WIZ: variants seen among roughly 807,000 people sequenced by gnomAD.
The protein encoded by WIZ is WIZ zinc finger.
WIZ carries 25 observed loss-of-function variants against 140.2 expected under a neutral mutation model. The observed-to-expected ratio is 0.18, with a 90% confidence interval of 0.13 to 0.25. The LOEUF (loss-of-function observed/expected upper bound fraction) is 0.25. WIZ is among the 10% of genes least tolerant of loss of function. WIZ has a pLI of 1.00. For synonymous variants in WIZ, 1,125 were observed against 1,154.3 expected (o/e 0.97, Z 0.51); for missense variants, 2,231 against 2,632.6 (o/e 0.85, Z 3.34).
At position 15,440,889 on chromosome 19, in the gene WIZ, G is replaced by A. The variant is rs980068041; in HGVS notation, c.279-174C>T. ...AGGGGGAGTCCACGTGGATCCTTCCGGACCTATCGGGTCAAAAGCCAGGTT... is the reference window on the plus strand; with the variant it reads ...AGGGGGAGTCCACGTGGATCCTTCCAGACCTATCGGGTCAAAAGCCAGGTT... On this transcript the variant is annotated intron_variant, in intron 3 of 12. Transcript: ENST00000673675. This position sits in a 1 kb window ranked among gnomAD's most constrained non-coding sequence, Gnocchi z 6.2. 6.6e-5 allele frequency among the ~76,000 whole-genome samples: 10 copies of A among 152,080 alleles called. No homozygotes were observed. Among genetic ancestry groups the A allele is most frequent in the East Asian group, 1.9e-4 (1 of 5,192 alleles).
At position 15,428,088 on chromosome 19, in the gene WIZ, G is replaced by A; in HGVS notation, c.3814+22C>T. 1 of 1,532,964 alleles carries A rather than the reference G, an allele frequency of 6.5e-7. No individual in the cohort carries two copies. 95.0% of individuals were successfully genotyped at this position (1,532,964 alleles called of 1,614,324 possible). A position where few individuals can be genotyped will look rare whatever the true frequency, so the allele number is the denominator to read the frequency against. The stretch of plus-strand genomic sequence containing the variant: ...GCTCCAGGGCCCGCAGTGAGGAGGG[G>A]GCAGCTGAAGCGAGAACCTACAGAG... On this transcript the variant is annotated intron_variant, in intron 8 of 12. Transcript: ENST00000673675. This position sits in a 1 kb window ranked among gnomAD's most constrained non-coding sequence, Gnocchi z 6.4.
At chr19:15,444,440 T>A (rs1969848374) in intron 2 of WIZ, among the ~76,000 whole-genome samples, 1 of 152,160 alleles carries the variant, frequency 6.6e-6, no homozygotes, top group Non-Finnish European at 1.5e-5. Flanking sequence ...CCAGATCATT[T>A]TCTGGGGTGG....
chr19:15,423,333 T>A, intron 12 of WIZ, 98 bp from the exon 13 acceptor site: 1 of 1,456,382 alleles, frequency 6.9e-7, no homozygotes. Flanking sequence ...TGCTACTCAG[T>A]GTGGACAGAG....
chr19:15,437,166 G>A, intron 4 of WIZ, 37 bp from the exon 5 acceptor site: 1 of 1,524,252 alleles, frequency 6.6e-7, no homozygotes, highest in Non-Finnish European at 8.8e-7. Context: ...AGGTGGAGAG[G>A]GGGCTACTCC....
rs566359642 is a variant in WIZ at position 15,438,824 on chromosome 19, C to T, written c.2170G>A (p.Ala724Thr). 3,587 of 1,500,494 alleles carry T rather than the reference C, an allele frequency of 2.4e-3. 9 individuals carry two copies. The highest frequency in any genetic ancestry group is 2.9e-3 in the Non-Finnish European group (3,248 of 1,122,858). 92.9% of individuals were successfully genotyped at this position (1,500,494 alleles called of 1,614,324 possible). The change falls in exon 4 of 13, where the codon GCG becomes ACG. Residue 724 changes from alanine to threonine, a missense_variant. Around this residue, in one of 15 missense-constraint regions of WIZ, gnomAD observed 118 missense variants for 209.1 expected, o/e 0.56. Coordinates refer to ENST00000673675, the MANE Select transcript of WIZ (RefSeq NM_001371589.1). ...AHPLDFLLLD[A>T]PLGGPLGLDT... ...AGCCCCAGCGGGCCGCCCAGCGGCG[C>T]GTCCAGGAGCAGGAAGTCCAGGGGG...
rs1968998163 is a variant in WIZ at position 15,428,415 on chromosome 19, T to A, written c.3509A>T (p.His1170Leu). 6.5e-7 allele frequency: 1 copy of A among 1,535,430 alleles called. No homozygotes were observed. The highest frequency in any genetic ancestry group is 1.4e-5 in the African/African-American group (1 of 72,986). Residue 1170 changes from histidine (H) to leucine (L), a missense_variant, in exon 8 of 13, where the codon CAC (histidine) becomes CTC (leucine). Physicochemically the swap from His to Leu is moderately conservative, Grantham distance 99 (BLOSUM62 -3). Coordinates refer to ENST00000673675, the MANE Select transcript of WIZ (RefSeq NM_001371589.1). This position sits in a 1 kb window ranked among gnomAD's most constrained non-coding sequence, Gnocchi z 6.4. ...RKGLSSHARA[H>L]LRHLGVSDPD... is the part of the protein sequence containing the mutation. The stretch of plus-strand genomic sequence containing the variant: ...ATCGCTGACGCCCAGGTGGCGCAGG[T>A]GGGCACGGGCGTGGCTAGACAGGCC...
chr19:15,429,788 G>T lies in WIZ; in HGVS notation c.3213C>A (p.Ile1071=). ...PLDAPAVNKA[I]KSPPGFSAKG... Reference sequence around the variant, plus strand: ...TGGCCGAGAAGCCGGGAGGCGACTTGATGGCTTTGTTGACAGCAGGGGCAT... The same window carrying T: ...TGGCCGAGAAGCCGGGAGGCGACTTTATGGCTTTGTTGACAGCAGGGGCAT... Residue 1071 remains isoleucine, a synonymous_variant, in exon 7 of 13, where the codon ATC becomes ATA. Coordinates refer to ENST00000673675, the MANE Select transcript of WIZ (RefSeq NM_001371589.1). 6.6e-7 allele frequency: 1 copy of T among 1,519,768 alleles called. No individual in the cohort carries two copies. Among genetic ancestry groups the T allele is most frequent in the Non-Finnish European group, 8.8e-7 (1 of 1,136,228 alleles). 94.1% of individuals were successfully genotyped at this position (1,519,768 alleles called of 1,614,324 possible). A position where few individuals can be genotyped will look rare whatever the true frequency, so the allele number is the denominator to read the frequency against.
chr19:15,438,289 C>T (rs745371734), intron 4 of WIZ, among the ~76,000 whole-genome samples: 11 of 152,232 alleles, frequency 7.2e-5, no homozygotes, highest in Non-Finnish European at 1.5e-4. Context: ...GTCCCCAGAA[C>T]AGAGGGGAAC....
rs1969666350 is a variant in WIZ, at chr19:15,439,871, G to C, written c.1123C>G (p.Gln375Glu). 1 of 1,526,966 alleles carries C rather than the reference G, an allele frequency of 6.5e-7. No homozygotes were observed. Among genetic ancestry groups the C allele is most frequent in the Non-Finnish European group, 8.8e-7 (1 of 1,142,082 alleles). The allele number at this position is 1,526,966 out of a possible 1,614,324, so 94.6% of individuals were successfully genotyped here. The change falls in exon 4 of 13, where the codon CAG (glutamine) becomes GAG (glutamate). Residue 375 changes from glutamine to glutamate, a missense_variant. Gln to Glu is a conservative substitution (Grantham distance 29). Transcript: ENST00000673675. This position sits in a 1 kb window ranked among gnomAD's most constrained non-coding sequence, Gnocchi z 7.0. Reference sequence around the variant, plus strand: ...TCAATGATCTTCTCCCGGGAGGCCTGATGCAGCTGCCGGTGCTGCTCCAGG... The same window carrying C: ...TCAATGATCTTCTCCCGGGAGGCCTCATGCAGCTGCCGGTGCTGCTCCAGG... Reference protein sequence around the residue: ...TALEQHRQLHQASREKIIEEI... With the variant: ...TALEQHRQLHEASREKIIEEI...
Position 15,425,526 on chromosome 19 carries a change from G to A in WIZ, c.4609C>T (p.Pro1537Ser). ...DLAPALAEDGPPTVAPGPVQS... is the reference protein window; with the variant it reads ...DLAPALAEDGSPTVAPGPVQS... ...ACGGGCCCAGGGGCCACGGTGGGAG[G>A]CCCGTCCTCAGCCAGGGCAGGGGCC... Residue 1537 changes from proline (P) to serine (S), a missense_variant, in exon 10 of 13, where the codon CCT becomes TCT. By Grantham distance (74) the Pro-to-Ser change is moderately conservative (BLOSUM62 -1). Around this residue, in one of 15 missense-constraint regions of WIZ, gnomAD observed 393 missense variants for 451.7 expected, o/e 0.87. Coordinates refer to ENST00000673675, the MANE Select transcript of WIZ (RefSeq NM_001371589.1). 1 of 1,611,492 alleles carries A rather than the reference G, an allele frequency of 6.2e-7. No homozygotes were observed. Among genetic ancestry groups the A allele is most frequent in the Non-Finnish European group, 8.5e-7 (1 of 1,178,968 alleles).
chr19:15,435,167 G>A (rs1330772798), intron 5 of WIZ, among the ~76,000 whole-genome samples: 1 of 151,968 alleles, frequency 6.6e-6, no homozygotes, highest in Non-Finnish European at 1.5e-5. Context: ...GCAGTGAGCC[G>A]AGATGGCACC....
chr19:15,426,836 C>T (rs1388081053), intron 9 of WIZ, 146 bp downstream of exon 9: 1 of 908,448 alleles, frequency 1.1e-6, no homozygotes, highest in Non-Finnish European at 1.6e-6. Context: ...GTCTGCATAG[C>T]AGGAATACAC....
chr19:15,428,421 C>A lies in WIZ; in HGVS notation c.3503G>T (p.Arg1168Leu), dbSNP rs1173872467. 1 of 1,535,632 alleles carries A rather than the reference C, an allele frequency of 6.5e-7. No individual in the cohort carries two copies. The highest frequency in any genetic ancestry group is 8.7e-7 in the Non-Finnish European group (1 of 1,146,800). Residue 1168 changes from arginine (R) to leucine (L), a missense_variant, in exon 8 of 13, where the codon CGT becomes CTT. By Grantham distance (102) the Arg-to-Leu change is moderately radical (BLOSUM62 -2). Transcript: ENST00000673675. The surrounding 1 kb of genome is among the most constrained non-coding windows in gnomAD (Gnocchi z 6.4). Reference sequence around the variant, plus strand: ...GACGCCCAGGTGGCGCAGGTGGGCACGGGCGTGGCTAGACAGGCCCTTGCG... The same window carrying A: ...GACGCCCAGGTGGCGCAGGTGGGCAAGGGCGTGGCTAGACAGGCCCTTGCG... ...ETRKGLSSHA[R>L]AHLRHLGVSD... is the part of the protein sequence containing the mutation.
At chr19:15,432,862 A>G (rs1969360627) in intron 5 of WIZ, among the ~76,000 whole-genome samples, 1 of 151,648 alleles carries the variant, frequency 6.6e-6, no homozygotes. Context: ...GCCGAGTGCC[A>G]CGAGCGAAAC....
rs777812836 is a variant in WIZ, at chr19:15,425,352, G to A, written c.4783C>T (p.Arg1595Trp). The A allele has an allele frequency of 7.1e-6, 11 of 1,558,500 alleles. No homozygotes were observed. Among genetic ancestry groups the A allele is most frequent in the Non-Finnish European group, 8.7e-6 (10 of 1,151,552 alleles). The stretch of plus-strand genomic sequence containing the variant: ...AGGAGGCGGTCCTCCTGCAGGGGCC[G>A]CTTGGCTGCCACTGAGCCCAGGTAG... ...TGYLGSVAAK[R>W]PLQEDRLLPA... is the part of the protein sequence containing the mutation. Residue 1595 changes from arginine (R) to tryptophan (W), a missense_variant, in exon 10 of 13, where the codon CGG (arginine) becomes TGG (tryptophan). This residue lies in a region of WIZ where 393 missense variants were observed against 451.7 expected (regional missense o/e 0.87). Transcript: ENST00000673675.
At position 15,422,875 on chromosome 19, in the gene WIZ, C is replaced by G. The variant is rs1968454739; in HGVS notation, c.*201G>C. ...GCTGAAGGAAGACACCCTGTGGCCCCAGAGTCCTCGGGCTGGGGGAAGGGC... is the reference window on the plus strand; with the variant it reads ...GCTGAAGGAAGACACCCTGTGGCCCGAGAGTCCTCGGGCTGGGGGAAGGGC... On this transcript the variant is annotated 3_prime_UTR_variant, in exon 13 of 13. Transcript: ENST00000673675. 1 of 724,304 alleles carries G rather than the reference C, an allele frequency of 1.4e-6. No individual in the cohort carries two copies. The highest frequency in any genetic ancestry group is 1.8e-5 in the African/African-American group (1 of 55,912). The allele number at this position is 724,304 out of a possible 1,614,324, so 44.9% of individuals were successfully genotyped here.
intron 3 of WIZ, among the ~76,000 whole-genome samples, chr19:15,441,074 A>G (rs1440637536): frequency 6.6e-6 from 1 of 152,118 alleles, no homozygotes; most frequent in Non-Finnish European, 1.5e-5. Context: ...CAAGCCTCTC[A>G]TCTGTGCTCC....
chr19:15,428,973 C>CTA lies in WIZ; in HGVS notation c.3416-467_3416-466dup, dbSNP rs1210369651. 6.6e-6 allele frequency among the ~76,000 whole-genome samples: 1 copy of CTA among 152,160 alleles called. No homozygotes were observed. Among genetic ancestry groups the CTA allele is most frequent in the Non-Finnish European group, 1.5e-5 (1 of 68,020 alleles). On this transcript the variant is annotated intron_variant, in intron 7 of 12. Coordinates refer to ENST00000673675, the MANE Select transcript of WIZ (RefSeq NM_001371589.1). The surrounding 1 kb of genome is among the most constrained non-coding windows in gnomAD (Gnocchi z 6.4). Reference sequence around the variant, plus strand: ...GAGACCCTGGGGTCACCCCCAGACTCTAATGTCCACAAAGATATGGGAAAG... The same window carrying CTA: ...GAGACCCTGGGGTCACCCCCAGACTCTATAATGTCCACAAAGATATGGGAAAG...
At chr19:15,447,305 C>T (rs1969951829) in intron 2 of WIZ, among the ~76,000 whole-genome samples, 1 of 152,188 alleles carries the variant, frequency 6.6e-6, no homozygotes, top group African/African-American at 2.4e-5. Context: ...GAATGCCCGT[C>T]CCACCATTCA....
Sources: allele counts gnomAD v4.1 joint callset (sites outside exome capture counted in the v4.1 genomes callset), GRCh38; gene constraint gnomAD v4.1.1; regional missense constraint gnomAD v4.1.1; non-coding constraint Gnocchi (gnomAD v3.1); transcripts MANE v1.5; gene names NCBI Gene and HGNC (gene_info 2026-07-23, HGNC 2026-07-21).